The following ARHGEF3 variants were observed in gnomAD, a reference collection of about 807,000 sequenced individuals.
ARHGEF3 encodes the protein Rho guanine nucleotide exchange factor 3.
In ARHGEF3, 28 loss-of-function variants were observed where a neutral mutation model predicts 63.2. That is an observed-to-expected ratio of 0.44 (90% CI 0.33 to 0.61). The LOEUF is 0.61. Ranked by LOEUF, ARHGEF3 falls within the 20% of genes least tolerant of loss-of-function variation. ARHGEF3 has a pLI of 0.03. For missense variants in ARHGEF3, 533 were observed against 659.3 expected, an observed-to-expected ratio of 0.81 and a Z score of 2.10; for synonymous variants, 266 against 254.2, an observed-to-expected ratio of 1.05 and a Z score of -0.44.
intron 3 of ARHGEF3, among the ~76,000 whole-genome samples, chr3:56,952,544 C>T (rs1699860327): frequency 6.6e-6 from 1 of 152,128 alleles, no homozygotes; most frequent in African/African-American, 2.4e-5. Flanking sequence ...TGTTACTCAG[C>T]AGTAGAATAT....
At chr3:56,743,178 G>A (rs1276674680) in intron 7 of ARHGEF3, among the ~76,000 whole-genome samples, 8 of 152,258 alleles carry the variant, frequency 5.3e-5, no homozygotes, top group Non-Finnish European at 1.2e-4. Flanking sequence ...TCCCCCATCT[G>A]TGCTGGACTG....
At chr3:56,758,086 T>G (rs1485774434) in intron 2 of ARHGEF3, among the ~76,000 whole-genome samples, 1 of 151,566 alleles carries the variant, frequency 6.6e-6, no homozygotes, top group East Asian at 2.0e-4. Flanking sequence ...AAGACCAGCC[T>G]GAACAACATG....
chr3:57,009,480 T>A (rs78430411), intron 2 of ARHGEF3, among the ~76,000 whole-genome samples: 4 of 152,138 alleles, frequency 2.6e-5, no homozygotes, highest in Non-Finnish European at 2.9e-5. Context: ...TTGGGACCCA[T>A]GACAGTGAGG....
At chr3:56,806,760 G>T (rs1209178865), upstream of ARHGEF3, among the ~76,000 whole-genome samples, 1 of 152,244 alleles carries the variant, frequency 6.6e-6, no homozygotes, top group African/African-American at 2.4e-5. Context: ...CCAGTCCCAT[G>T]ACTGGGAGCA....
intron 2 of ARHGEF3, among the ~76,000 whole-genome samples, chr3:57,001,657 T>C (rs953698411): frequency 1.3e-5 from 2 of 152,164 alleles, no homozygotes; most frequent in Admixed American, 1.3e-4. Flanking sequence ...TCCTTCCTTC[T>C]TCCTGCTGGA....
intron 4 of ARHGEF3, among the ~76,000 whole-genome samples, chr3:56,842,151 C>G (rs1559984561): frequency 6.6e-6 from 1 of 152,176 alleles, no homozygotes; most frequent in African/African-American, 2.4e-5. Context: ...AGTTCCTCCC[C>G]AACGCCCAGG....
rs373963853 is a variant in ARHGEF3, at chr3:56,938,751, G to A, written c.129+20072C>T. 1.6e-4 allele frequency: 24 copies of A among 152,364 alleles called. No individual in the cohort carries two copies. In the East Asian group the frequency reaches 3.1e-3, roughly 20 times the overall value. 9.4% of individuals were successfully genotyped at this position (152,364 alleles called of 1,614,324 possible). ...TGGCAAACCGCAGTACAGACCAGGCGTACTTGTCCCTGAGTCTCTTTGATA... is the reference window on the plus strand; with the variant it reads ...TGGCAAACCGCAGTACAGACCAGGCATACTTGTCCCTGAGTCTCTTTGATA... On this transcript the variant is annotated intron_variant, in intron 3 of 12. Coordinates refer to the ARHGEF3 transcript ENST00000338458.
At chr3:56,994,525 G>GCCCTCTTGGAAAAGGGATTTCCCTTTT (rs1560115688) in intron 2 of ARHGEF3, among the ~76,000 whole-genome samples, 187 of 152,076 alleles carry the variant, frequency 1.2e-3, no homozygotes, top group African/African-American at 2.7e-3. Context: ...AGTTTCAACA[G>GCCCTCTTGGAAAAGGGATTTCCCTTTT]CCCTCTTGGA....
chr3:56,743,830 A>G (rs1382996439), intron 7 of ARHGEF3, among the ~76,000 whole-genome samples: 4 of 152,016 alleles, frequency 2.6e-5, no homozygotes, highest in Non-Finnish European at 4.4e-5. Flanking sequence ...CACCTCCTTG[A>G]TCAGGTTTTC....
chr3:56,778,032 C>T (rs540945339), intron 1 of ARHGEF3, among the ~76,000 whole-genome samples: 2 of 152,278 alleles, frequency 1.3e-5, no homozygotes, highest in African/African-American at 4.8e-5. Flanking sequence ...GGAAACTGTA[C>T]TCCCAAGGGT....
chr3:57,005,590 C>G (rs1314088150), intron 2 of ARHGEF3, among the ~76,000 whole-genome samples: 1 of 152,160 alleles, frequency 6.6e-6, no homozygotes, highest in African/African-American at 2.4e-5. Flanking sequence ...GTTGCTGTGA[C>G]AGCCTGCCCA....
At chr3:56,979,604 A>G (rs1371353471) in intron 2 of ARHGEF3, among the ~76,000 whole-genome samples, 2 of 152,182 alleles carry the variant, frequency 1.3e-5, no homozygotes, top group African/African-American at 4.8e-5. Context: ...GCCCCCTCCA[A>G]AGAAGGTCTG....
At chr3:56,895,092 C>T (rs751260074) in intron 3 of ARHGEF3, among the ~76,000 whole-genome samples, 3 of 152,194 alleles carry the variant, frequency 2.0e-5, no homozygotes, top group Admixed American at 1.3e-4. Flanking sequence ...ACCTCCCTCC[C>T]TCCCTCCCTG....
intron 2 of ARHGEF3, among the ~76,000 whole-genome samples, chr3:56,989,944 G>A (rs962158074): frequency 2.0e-5 from 3 of 152,318 alleles, no homozygotes; most frequent in African/African-American, 7.2e-5. Flanking sequence ...AAACTTCAAA[G>A]TAATCCTCAT....
intron 3 of ARHGEF3, among the ~76,000 whole-genome samples, chr3:56,929,149 G>A (rs2042348391): frequency 6.6e-6 from 1 of 152,136 alleles, no homozygotes. Flanking sequence ...GGGGAAGAAG[G>A]GTCTAGAAAG....
chr3:56,933,394 C>CTTTTTT (rs869041385), intron 3 of ARHGEF3, among the ~76,000 whole-genome samples: 2 of 132,908 alleles, frequency 1.5e-5, no homozygotes, highest in African/African-American at 5.4e-5. Context: ...TGTTTCTTTT[C>CTTTTTT]TTTTTTTTTT....
chr3:56,849,666 T>TA (rs35120387), intron 4 of ARHGEF3, among the ~76,000 whole-genome samples: 3 of 150,014 alleles, frequency 2.0e-5, no homozygotes, highest in East Asian at 3.9e-4. Flanking sequence ...CATCTCTGAG[T>TA]AAAAAAAAAA....
intron 2 of ARHGEF3, among the ~76,000 whole-genome samples, chr3:57,019,858 C>T (rs9810594): frequency 0.031 from 4,714 of 152,178 alleles, 281 homozygotes; most frequent in African/African-American, 0.11. Context: ...TCAAGGTGCA[C>T]GGATGATGCC....
chr3:56,979,389 G>A (rs912978540), intron 2 of ARHGEF3, among the ~76,000 whole-genome samples: 8 of 152,212 alleles, frequency 5.3e-5, no homozygotes, highest in Non-Finnish European at 8.8e-5. Flanking sequence ...CATTGCATCC[G>A]TGGTAGGGCC....
Sources: gnomAD v4.1 joint callset for allele counts (sites outside exome capture counted in the v4.1 genomes callset) on GRCh38, gnomAD v4.1.1 for gene constraint, MANE v1.5 for transcripts, NCBI Gene and HGNC (gene_info 2026-07-23, HGNC 2026-07-21) for gene names.